PRPSAP1: variants seen among roughly 807,000 people sequenced by gnomAD.
PRPSAP1 encodes phosphoribosyl pyrophosphate synthase-associated protein 1.
A neutral mutation model predicts 39.4 loss-of-function variants in PRPSAP1; 31 were observed. The observed-to-expected ratio is 0.79, with a 90% CI of 0.59 to 1.06. The LOEUF (loss-of-function observed/expected upper bound fraction) is 1.06, where lower values mean the gene tolerates loss of function less well. Among genes scored for constraint, PRPSAP1 ranks in the 50% least tolerant of loss-of-function variants. The pLI is 0.00. For missense variants in PRPSAP1, 430 were observed against 511.6 expected, an observed-to-expected ratio of 0.84 and a Z score of 1.54; for synonymous variants, 212 against 192.6, an observed-to-expected ratio of 1.10 and a Z score of -0.83.
chr17:76,325,203 A>AT (rs1271582334), intron 7 of PRPSAP1, among the ~76,000 whole-genome samples: 1 of 151,522 alleles, frequency 6.6e-6, no homozygotes, highest in Non-Finnish European at 1.5e-5. Flanking sequence ...AGGTCAGGAG[A>AT]TGGAGACCAT....
chr17:76,333,128 T>G (rs1418107656), intron 3 of PRPSAP1, among the ~76,000 whole-genome samples: 1 of 151,956 alleles, frequency 6.6e-6, no homozygotes, highest in African/African-American at 2.4e-5. Context: ...CCTGACCTTT[T>G]GAGATGAAGT....
Position 76,347,484 on chromosome 17 carries a change from C to CAAAAAAAAAAAAA in PRPSAP1, c.223+1032_223+1044dup, listed in dbSNP as rs71161289. ...CCTGGGTGACAGAGCAAGACTCCGT[C>CAAAAAAAAAAAAA]AAAAAAAAAAAAAAAAAAAAAAAAA... is the stretch of plus-strand genomic sequence containing the variant. On this transcript the variant is annotated intron_variant, in intron 2 of 9. Coordinates refer to ENST00000446526, the MANE Select transcript of PRPSAP1 (RefSeq NM_002766.3). 1.8e-3 allele frequency among the ~76,000 whole-genome samples: 46 copies of CAAAAAAAAAAAAA among 25,222 alleles called. 2 individuals are homozygous for CAAAAAAAAAAAAA. The highest frequency in any genetic ancestry group is 6.0e-3 in the East Asian group (3 of 504). 16.5% of individuals were successfully genotyped at this position (25,222 alleles called of 152,430 possible). A position where few individuals can be genotyped will look rare whatever the true frequency, so the allele number is the denominator to read the frequency against.
chr17:76,313,701 G>T, intron 8 of PRPSAP1, 120 bp downstream of exon 8: 4 of 1,116,460 alleles, frequency 3.6e-6, no homozygotes, highest in Non-Finnish European at 5.3e-6. Context: ...GAGTTTGGGT[G>T]AGAAAGGATA....
At chr17:76,317,419 G>A (rs2071136182) in intron 7 of PRPSAP1, among the ~76,000 whole-genome samples, 2 of 152,294 alleles carry the variant, frequency 1.3e-5, no homozygotes, top group African/African-American at 4.8e-5. Context: ...AGCTACTTGG[G>A]AGGCTGAGGC....
Position 76,328,763 on chromosome 17 carries a change from C to T in PRPSAP1, c.735G>A (p.Pro245=), listed in dbSNP as rs145059685. 21 of 1,614,080 alleles carry T rather than the reference C, an allele frequency of 1.3e-5. No homozygotes were observed. The African/African-American group carries it at 2.0e-4, about 15-fold the overall frequency. ...ELDMDDGRHS[P]PMVKNATVHP... ...GCACAGTAGCATTTTTGACCATAGG[C>T]GGGGAGTGACGACCATCGTCCATGT... The change falls in exon 7 of 10, where the codon CCG becomes CCA. Residue 245 remains proline (P), a synonymous_variant. Transcript: ENST00000446526.
intron 7 of PRPSAP1, 105 bp from the exon 8 acceptor site, chr17:76,313,996 A>T (rs2071095178): frequency 1.7e-6 from 2 of 1,179,972 alleles, no homozygotes; most frequent in South Asian, 2.6e-5. Flanking sequence ...CACTATACAG[A>T]CAAAAAACAA....
chr17:76,315,546 ACTT>A lies in PRPSAP1; in HGVS notation c.782-1658_782-1656del, dbSNP rs535378517. On this transcript the variant is annotated intron_variant, in intron 7 of 9. Coordinates refer to ENST00000446526, the MANE Select transcript of PRPSAP1 (RefSeq NM_002766.3). ...ATTTCACATCCTAGAAACAAAGACA[ACTT>A]CTTGAATTTGGGCAAGACAAGAAGG... Among the ~76,000 whole-genome samples the A allele has an allele frequency of 9.2e-3, 1,402 of 152,172 alleles. 15 individuals are homozygous for A. Among genetic ancestry groups the A allele is most frequent in the Middle Eastern group, 0.024 (7 of 292 alleles).
intron 1 of PRPSAP1, among the ~76,000 whole-genome samples, 170 bp from the exon 2 acceptor site, chr17:76,348,751 T>C (rs1417956726): frequency 1.3e-5 from 2 of 152,176 alleles, no homozygotes; most frequent in Non-Finnish European, 2.9e-5. Flanking sequence ...TGTCACTCCA[T>C]AAGCAGCTCA....
chr17:76,353,589 C>T lies in PRPSAP1; in HGVS notation c.115G>A (p.Val39Ile), dbSNP rs768914187. The change falls in exon 1 of 10, where the codon GTC (valine) becomes ATC (isoleucine). Residue 39 changes from valine to isoleucine, a missense_variant. Coordinates refer to ENST00000446526, the MANE Select transcript of PRPSAP1 (RefSeq NM_002766.3). The part of the protein sequence containing the change: ...AMNAARTGYR[V>I]FSANSTAACT... ...GCGGCCGTGGAGTTGGCCGAGAAGA[C>T]TCGGTAGCCGGTGCGAGCGGCGTTC... 2 of 1,562,746 alleles carry T rather than the reference C, an allele frequency of 1.3e-6. No individual in the cohort carries two copies. Among genetic ancestry groups the T allele is most frequent in the South Asian group, 1.2e-5 (1 of 85,642 alleles).
intron 7 of PRPSAP1, among the ~76,000 whole-genome samples, chr17:76,320,349 A>G (rs1157890772): frequency 1.8e-5 from 2 of 112,532 alleles, no homozygotes; most frequent in East Asian, 4.8e-4. Context: ...GGGAGGAAGG[A>G]AGGAAGAAAA....
At chr17:76,328,595 T>A in intron 7 of PRPSAP1, 122 bp downstream of exon 7, 1 of 1,285,770 alleles carries the variant, frequency 7.8e-7, no homozygotes, top group East Asian at 2.5e-5. Flanking sequence ...GGTGACAGAG[T>A]GAGACTCCAT....
intron 5 of PRPSAP1, 126 bp downstream of exon 5, chr17:76,330,425 C>T (rs1322386078): frequency 2.8e-6 from 2 of 706,472 alleles, no homozygotes; most frequent in South Asian, 2.0e-5. Context: ...CTGTCTGCTG[C>T]CTCAGGCATT....
intron 7 of PRPSAP1, among the ~76,000 whole-genome samples, chr17:76,316,755 A>G (rs1220422047): frequency 6.6e-6 from 1 of 152,224 alleles, no homozygotes; most frequent in East Asian, 1.9e-4. Context: ...AAATGTTTCC[A>G]ATTCATCAAA....
intron 7 of PRPSAP1, among the ~76,000 whole-genome samples, chr17:76,324,834 G>A (rs2071234827): frequency 2.6e-5 from 4 of 151,722 alleles, no homozygotes; most frequent in Admixed American, 2.0e-4. Flanking sequence ...GGCCAAGGCG[G>A]GCGGATCATG....
At chr17:76,328,639 ACAACAAAAC>A (rs910191737) in intron 7 of PRPSAP1, 69 bp downstream of exon 7, 8 of 1,504,290 alleles carry the variant, frequency 5.3e-6, no homozygotes, top group Admixed American at 4.3e-5. Flanking sequence ...CAAAACAACA[ACAACAAAAC>A]CAACAAAACC....
intron 4 of PRPSAP1, 105 bp downstream of exon 4, chr17:76,332,158 A>G: frequency 7.2e-7 from 1 of 1,386,040 alleles, no homozygotes; most frequent in South Asian, 1.4e-5. Context: ...AAAAGGAAAC[A>G]AACACTCAGA....
intron 9 of PRPSAP1, 35 bp from the exon 10 acceptor site, chr17:76,311,735 C>A: frequency 1.9e-6 from 3 of 1,596,130 alleles, no homozygotes; most frequent in Non-Finnish European, 2.6e-6. Flanking sequence ...AACGCTGTTA[C>A]TGAAGTCTGT....
At chr17:76,322,662 A>G (rs1378019999) in intron 7 of PRPSAP1, among the ~76,000 whole-genome samples, 6 of 151,970 alleles carry the variant, frequency 3.9e-5, no homozygotes, top group Non-Finnish European at 7.4e-5. Context: ...ACAACAAGAC[A>G]AGACCCTGTC....
Position 76,328,742 on chromosome 17 carries a change from A to G in PRPSAP1, c.756T>C (p.Thr252=), listed in dbSNP as rs542691300. The change falls in exon 7 of 10, where the codon ACT becomes ACC. Residue 252 remains threonine, a synonymous_variant. Coordinates refer to ENST00000446526, the MANE Select transcript of PRPSAP1 (RefSeq NM_002766.3). ...ATGGCAACTCCAGGCCTGGGTGCAC[A>G]GTAGCATTTTTGACCATAGGCGGGG... ...RHSPPMVKNA[T]VHPGLELPLM... The G allele has an allele frequency of 3.7e-6, 6 of 1,614,220 alleles. No individual in the cohort carries two copies. In the African/African-American group the frequency reaches 5.3e-5, roughly 14 times the overall value.
Sources: gnomAD v4.1 joint callset for allele counts (sites outside exome capture counted in the v4.1 genomes callset) on GRCh38, gnomAD v4.1.1 for gene constraint, MANE v1.5 for transcripts, NCBI Gene and HGNC (gene_info 2026-07-23, HGNC 2026-07-21) for gene names.